FDFT1: variants seen among roughly 807,000 people sequenced by gnomAD.
The protein encoded by FDFT1 is squalene synthase.
FDFT1 carries 68 observed loss-of-function variants against 46.8 expected under a neutral mutation model. That is an observed-to-expected ratio of 1.45 (90% CI 1.19 to 1.78). FDFT1 has a LOEUF of 1.78. Ranked by LOEUF, FDFT1 falls within the 40% of genes most tolerant of loss-of-function variation. The pLI is 0.00. For missense variants in FDFT1, 928 were observed against 524.4 expected, an observed-to-expected ratio of 1.77 and a Z score of -7.52; for synonymous variants, 351 against 185.1, an observed-to-expected ratio of 1.90 and a Z score of -7.28.
chr8:11,806,531 G>GA (rs1554516368), intron 1 of FDFT1, among the ~76,000 whole-genome samples: 3 of 152,176 alleles, frequency 2.0e-5, no homozygotes, highest in Admixed American at 1.3e-4. Flanking sequence ...GGGCTGTATG[G>GA]AAAGGAGGGG....
At chr8:11,827,048 C>T (rs965287703) in intron 5 of FDFT1, among the ~76,000 whole-genome samples, 1 of 152,144 alleles carries the variant, frequency 6.6e-6, no homozygotes, top group Admixed American at 6.5e-5. Flanking sequence ...GGACAGGGAA[C>T]AGAAAGCTTT....
intron 7 of FDFT1, among the ~76,000 whole-genome samples, chr8:11,837,141 C>T (rs1296025): frequency 0.096 from 14,662 of 152,320 alleles, 906 homozygotes; most frequent in Middle Eastern, 0.17. Context: ...ACGTGGGAGG[C>T]GCATTCCAGA....
chr8:11,833,059 C>G (rs560167005), intron 7 of FDFT1, among the ~76,000 whole-genome samples: 14 of 152,178 alleles, frequency 9.2e-5, no homozygotes, highest in Non-Finnish European at 1.9e-4. Flanking sequence ...TGCTGTATGT[C>G]CAGAACTTCT....
chr8:11,821,083 G>A (rs1270616907), intron 3 of FDFT1, among the ~76,000 whole-genome samples: 1 of 152,166 alleles, frequency 6.6e-6, no homozygotes, highest in East Asian at 1.9e-4. Flanking sequence ...CATAGGAAGT[G>A]CTTGATCCAT....
chr8:11,828,210 C>T (rs746056314), intron 5 of FDFT1, among the ~76,000 whole-genome samples: 1 of 152,096 alleles, frequency 6.6e-6, no homozygotes, highest in Non-Finnish European at 1.5e-5. Flanking sequence ...ATTGCCTGAG[C>T]CCAGGAGTTC....
rs543949817 is a variant in FDFT1 at position 11,829,045 on chromosome 8, C to A, written c.703-1199C>A. 4.6e-5 allele frequency among the ~76,000 whole-genome samples: 7 copies of A among 152,302 alleles called. No individual in the cohort carries two copies. The East Asian group carries it at 1.3e-3, about 29-fold the overall frequency. ...TGAGAAGTGGAATTGCTGGTTCATACAGCAGCTCGAACCTTGTGAGGAGCT... is the reference window on the plus strand; with the variant it reads ...TGAGAAGTGGAATTGCTGGTTCATAAAGCAGCTCGAACCTTGTGAGGAGCT... On this transcript the variant is annotated intron_variant, in intron 5 of 7. Coordinates refer to ENST00000220584, the MANE Select transcript of FDFT1 (RefSeq NM_004462.5).
At chr8:11,801,833 A>G (rs781764489), upstream of FDFT1, 2 of 391,918 alleles carry the variant, frequency 5.1e-6, no homozygotes, top group East Asian at 1.4e-4. Flanking sequence ...AGTTGGGACT[A>G]CAGGCGCCCA....
At chr8:11,822,753 T>C (rs554372948) in intron 4 of FDFT1, among the ~76,000 whole-genome samples, 53 of 152,118 alleles carry the variant, frequency 3.5e-4, no homozygotes, top group Non-Finnish European at 6.5e-4. Flanking sequence ...GAGTTGAAGG[T>C]TGCAGTGAGC....
chr8:11,809,250 C>A, intron 2 of FDFT1: 2 of 1,150,464 alleles, frequency 1.7e-6, no homozygotes, highest in Non-Finnish European at 2.1e-6. Context: ...TTGAAGCTGC[C>A]TCTGTGCACA....
chr8:11,813,004 C>G (rs1807948461), intron 3 of FDFT1, among the ~76,000 whole-genome samples: 1 of 151,466 alleles, frequency 6.6e-6, no homozygotes, highest in Non-Finnish European at 1.5e-5. Context: ...GGCATAGCTA[C>G]TACAGACGTA....
intron 5 of FDFT1, among the ~76,000 whole-genome samples, chr8:11,828,689 A>C (rs1304941239): frequency 6.6e-6 from 1 of 152,256 alleles, no homozygotes; most frequent in Non-Finnish European, 1.5e-5. Flanking sequence ...GGTGGTGTGA[A>C]TAAAATGAGA....
chr8:11,808,479 A>G, intron 1 of FDFT1: 3 of 1,313,080 alleles, frequency 2.3e-6, no homozygotes, highest in Non-Finnish European at 2.9e-6. Context: ...GATCTGCTTG[A>G]GTCTATGGAG....
At chr8:11,810,855 G>T (rs1352737496) in intron 3 of FDFT1, among the ~76,000 whole-genome samples, 1 of 150,910 alleles carries the variant, frequency 6.6e-6, no homozygotes, top group Non-Finnish European at 1.5e-5. Flanking sequence ...AGCTGAGTTG[G>T]GAGGGAGCTA....
At chr8:11,797,652 A>AAG (rs1433707865), upstream of FDFT1, among the ~76,000 whole-genome samples, 5 of 151,660 alleles carry the variant, frequency 3.3e-5, no homozygotes, top group East Asian at 5.8e-4. Flanking sequence ...AAAAAAAAAA[A>AAG]AAAAAAAAGA....
At chr8:11,799,264 A>G (rs187332179), upstream of FDFT1, among the ~76,000 whole-genome samples, 404 of 152,330 alleles carry the variant, frequency 2.7e-3, 6 homozygotes, top group African/African-American at 9.3e-3. Flanking sequence ...ACTGAGATCA[A>G]TCTCTTGACC....
At chr8:11,829,111 C>T (rs1563334922) in intron 5 of FDFT1, among the ~76,000 whole-genome samples, 1 of 151,772 alleles carries the variant, frequency 6.6e-6, no homozygotes, top group Non-Finnish European at 1.5e-5. Context: ...TTTTACATTC[C>T]CGTCAGCAGT....
intron 3 of FDFT1, among the ~76,000 whole-genome samples, chr8:11,815,020 C>T (rs1428703489): frequency 3.3e-5 from 5 of 152,248 alleles, no homozygotes; most frequent in South Asian, 4.1e-4. Context: ...CCTCCCTTGG[C>T]CCCCCACCCC....
intron 4 of FDFT1, among the ~76,000 whole-genome samples, chr8:11,823,254 A>G (rs1025457781): frequency 1.3e-5 from 2 of 152,136 alleles, no homozygotes; most frequent in Non-Finnish European, 2.9e-5. Context: ...CAATTATTTC[A>G]AGGAGTTATT....
chr8:11,797,335 C>A (rs1238734934), upstream of FDFT1, among the ~76,000 whole-genome samples: 3 of 152,162 alleles, frequency 2.0e-5, no homozygotes, highest in Non-Finnish European at 2.9e-5. Context: ...TGTTCAGCTT[C>A]CAAGTGGACA....
Sources: gnomAD v4.1 joint callset for allele counts (sites outside exome capture counted in the v4.1 genomes callset) on GRCh38, gnomAD v4.1.1 for gene constraint, MANE v1.5 for transcripts, NCBI Gene and HGNC (gene_info 2026-07-23, HGNC 2026-07-21) for gene names.